Variants in MTUS2 observed in about 807,000 individuals in gnomAD.
MTUS2 encodes microtubule-associated tumor suppressor candidate 2.
A neutral mutation model predicts 114.1 loss-of-function variants in MTUS2; 40 were observed. The observed-to-expected ratio is 0.35, with a 90% confidence interval of 0.27 to 0.46. The LOEUF (loss-of-function observed/expected upper bound fraction) is 0.46, where lower values mean the gene tolerates loss of function less well. MTUS2 is among the 20% of genes least tolerant of loss of function. The probability of loss-of-function intolerance (pLI) is 1.00; values close to 1 mark genes in which losing one functional copy is unlikely to be tolerated. For missense variants in MTUS2, 1,679 were observed against 1,705.4 expected (o/e 0.98, Z 0.27); for synonymous variants, 688 against 672.0 (o/e 1.02, Z -0.37).
chr13:29,161,879 A>T (rs558036387), intron 5 of MTUS2, among the ~76,000 whole-genome samples: 4 of 152,298 alleles, frequency 2.6e-5, no homozygotes, highest in African/African-American at 9.6e-5. Context: ...ATGCCTGCTC[A>T]GTGGCTGATC....
chr13:29,078,857 C>T (rs774037675), intron 4 of MTUS2, among the ~76,000 whole-genome samples: 1 of 152,136 alleles, frequency 6.6e-6, no homozygotes, highest in Non-Finnish European at 1.5e-5. Context: ...TGCATTCTTT[C>T]CAACTTTTGT....
Position 29,138,647 on chromosome 13 carries a change from C to T in MTUS2, c.2644+37677C>T, listed in dbSNP as rs762205044. ...ATGACAAAAATGTTCTAAACTATAGCGATGGTTGTACAACTCTGTAAACAT... is the reference window on the plus strand; with the variant it reads ...ATGACAAAAATGTTCTAAACTATAGTGATGGTTGTACAACTCTGTAAACAT... On this transcript the variant is annotated intron_variant, in intron 5 of 15. Transcript: ENST00000612955. 2.0e-5 allele frequency among the ~76,000 whole-genome samples: 3 copies of T among 151,382 alleles called. No homozygotes were observed. In the South Asian group the frequency reaches 6.2e-4, roughly 31 times the overall value.
In MTUS2 at chr13:29,024,858, T is replaced by C; in HGVS notation, c.160T>C (p.Cys54Arg). The C allele has an allele frequency of 1.2e-6, 2 of 1,613,952 alleles. No homozygotes were observed. The highest frequency in any genetic ancestry group is 1.7e-6 in the Non-Finnish European group (2 of 1,179,868). Residue 54 changes from cysteine to arginine, a missense_variant, in exon 3 of 16, where the codon TGT becomes CGT. By Grantham distance (180) the Cys-to-Arg change is radical. Coordinates refer to ENST00000612955, the MANE Select transcript of MTUS2 (RefSeq NM_001033602.4). ...CTCCTCTCATGACGAGTCCAAGACA[T>C]GTGACCTGGGAGATGAAATTGGAAA... ...VSSSHDESKTCDLGDEIGNTN... is the reference protein window; with the variant it reads ...VSSSHDESKTRDLGDEIGNTN...
chr13:29,478,567 T>C (rs1880882606), intron 9 of MTUS2, among the ~76,000 whole-genome samples: 1 of 151,902 alleles, frequency 6.6e-6, no homozygotes, highest in Admixed American at 6.6e-5. Flanking sequence ...TGAGGAGGAG[T>C]CTTTTTCCAT....
intron 2 of MTUS2, among the ~76,000 whole-genome samples, chr13:29,010,820 C>G (rs1386718794): frequency 2.0e-5 from 3 of 152,086 alleles, no homozygotes; most frequent in Non-Finnish European, 2.9e-5. Flanking sequence ...ACAGATTTAT[C>G]TGGTCAGGAG....
chr13:29,498,492 G>A lies in MTUS2; in HGVS notation c.3753G>A (p.Gln1251=), dbSNP rs377682286. The change falls in exon 14 of 16, where the codon CAG becomes CAA. Residue 1251 remains glutamine (Q), a synonymous_variant. Transcript: ENST00000612955. The part of the protein sequence containing the change: ...SLKQVLEMKN[Q]QIHEQEKKIL... ...AGCAGGTATTAGAAATGAAGAATCAGCAAATACACGAGCAAGAAAAGAAGA... is the reference window on the plus strand; with the variant it reads ...AGCAGGTATTAGAAATGAAGAATCAACAAATACACGAGCAAGAAAAGAAGA... The A allele has an allele frequency of 1.1e-5, 17 of 1,614,086 alleles. No homozygotes were observed. In the African/African-American group the frequency reaches 1.5e-4, roughly 14 times the overall value.
Position 28,908,457 on chromosome 13 carries a change from C to T in MTUS2, c.-243+68607C>T, listed in dbSNP as rs1026346998. 2.0e-4 allele frequency among the ~76,000 whole-genome samples: 30 copies of T among 151,486 alleles called. 1 individual carries two copies. Among genetic ancestry groups the T allele is most frequent in the African/African-American group, 6.6e-4 (27 of 40,996 alleles). ...GTTTCCAGCTTCATCCATGTCCCTA[C>T]AAAGGACATGAACTCATCATTTTTT... On this transcript the variant is annotated intron_variant, in intron 2 of 15. Coordinates refer to ENST00000612955, the MANE Select transcript of MTUS2 (RefSeq NM_001033602.4).
At chr13:28,931,779 T>G (rs142511948) in intron 2 of MTUS2, among the ~76,000 whole-genome samples, 4,860 of 152,224 alleles carry the variant, frequency 0.032, 125 homozygotes, top group Non-Finnish European at 0.048. Context: ...GCTGCACCCA[T>G]TAACTGGTCA....
At chr13:29,473,734 A>G (rs1566221794) in intron 9 of MTUS2, among the ~76,000 whole-genome samples, 4 of 152,238 alleles carry the variant, frequency 2.6e-5, no homozygotes, top group African/African-American at 9.6e-5. Context: ...TAAATTAGAA[A>G]TGATATATTC....
chr13:29,008,645 G>A (rs1164860280), intron 2 of MTUS2, among the ~76,000 whole-genome samples: 1 of 152,104 alleles, frequency 6.6e-6, no homozygotes, highest in Non-Finnish European at 1.5e-5. Context: ...AGTTCTAGGT[G>A]GAAATCGTTT....
intron 5 of MTUS2, among the ~76,000 whole-genome samples, chr13:29,145,822 G>A (rs1293057421): frequency 6.6e-6 from 1 of 152,142 alleles, no homozygotes. Context: ...TAGTAGAACT[G>A]CATAATTACA....
chr13:29,134,189 A>G (rs1220789183), intron 5 of MTUS2, among the ~76,000 whole-genome samples: 1 of 151,830 alleles, frequency 6.6e-6, no homozygotes, highest in Non-Finnish European at 1.5e-5. Flanking sequence ...ACATTTTTGA[A>G]TTTTCACTTT....
intron 2 of MTUS2, among the ~76,000 whole-genome samples, chr13:28,886,264 T>C (rs1048670130): frequency 6.6e-6 from 1 of 152,112 alleles, no homozygotes; most frequent in Non-Finnish European, 1.5e-5. Flanking sequence ...TCTGACTTAA[T>C]TTTGAAAGGA....
In MTUS2 at chr13:29,145,885, T is replaced by C. The variant is rs144396901; in HGVS notation, c.2644+44915T>C. On this transcript the variant is annotated intron_variant, in intron 5 of 15. Transcript: ENST00000612955. Reference sequence around the variant, plus strand: ...TTTGGAAGCAAGCACAACCAATTCATGGAAGCACATAAAACACACCTTCAA... The same window carrying C: ...TTTGGAAGCAAGCACAACCAATTCACGGAAGCACATAAAACACACCTTCAA... Among the ~76,000 whole-genome samples, 419 of 152,284 alleles carry C rather than the reference T, an allele frequency of 2.8e-3. 2 individuals are homozygous for C. The highest frequency in any genetic ancestry group is 9.6e-3 in the African/African-American group (399 of 41,552).
intron 5 of MTUS2, among the ~76,000 whole-genome samples, chr13:29,167,145 C>A (rs1036738305): frequency 6.6e-6 from 1 of 152,164 alleles, no homozygotes; most frequent in African/African-American, 2.4e-5. Context: ...GAGGCCTAGG[C>A]GGGCGGATCA....
intron 2 of MTUS2, among the ~76,000 whole-genome samples, chr13:28,931,752 A>G (rs1881629289): frequency 6.6e-6 from 1 of 152,162 alleles, no homozygotes. Context: ...ATATGTATAC[A>G]TGTGCCATGT....
intron 2 of MTUS2, among the ~76,000 whole-genome samples, chr13:28,983,667 A>G (rs1884455177): frequency 6.6e-6 from 1 of 152,190 alleles, no homozygotes; most frequent in Non-Finnish European, 1.5e-5. Context: ...CCATCTGAAA[A>G]TGTGTTAGAA....
chr13:28,956,069 T>G (rs1883049057), intron 2 of MTUS2, among the ~76,000 whole-genome samples: 4 of 130,308 alleles, frequency 3.1e-5, no homozygotes, highest in East Asian at 2.7e-4. Flanking sequence ...CCCCCATCCT[T>G]TCCCCCAAGT....
chr13:28,949,706 A>C (rs1443772561), intron 2 of MTUS2, among the ~76,000 whole-genome samples: 8 of 152,182 alleles, frequency 5.3e-5, no homozygotes, highest in African/African-American at 1.7e-4. Context: ...GAATCATACA[A>C]TATTGATCCT....
Sources: allele counts gnomAD v4.1 joint callset (sites outside exome capture counted in the v4.1 genomes callset), GRCh38; gene constraint gnomAD v4.1.1; transcripts MANE v1.5; gene names NCBI Gene and HGNC (gene_info 2026-07-23, HGNC 2026-07-21).